The following TTC29 variants were observed in gnomAD, a reference collection of about 807,000 sequenced individuals.
TTC29 encodes the protein tetratricopeptide repeat domain 29, also known as tetratricopeptide repeat protein 29.
A neutral mutation model predicts 58.1 loss-of-function variants in TTC29; 49 were observed. That is an observed-to-expected ratio of 0.84 (90% confidence interval 0.67 to 1.07). The LOEUF is 1.07. Ranked by LOEUF, TTC29 falls within the 50% of genes least tolerant of loss-of-function variation. The pLI, the probability that TTC29 is intolerant of heterozygous loss-of-function variation, is 0.00. For missense variants in TTC29, 582 were observed against 555.6 expected (o/e 1.05, Z -0.48); for synonymous variants, 209 against 196.8 (o/e 1.06, Z -0.52).
intron 11 of TTC29, among the ~76,000 whole-genome samples, chr4:146,734,640 T>C (rs2150025692): frequency 6.6e-6 from 1 of 152,064 alleles, no homozygotes; most frequent in Non-Finnish European, 1.5e-5. Flanking sequence ...GGAGTTGAAT[T>C]GGGGGACATC....
At chr4:146,751,029 C>A (rs1745947842) in intron 11 of TTC29, among the ~76,000 whole-genome samples, 1 of 152,150 alleles carries the variant, frequency 6.6e-6, no homozygotes, top group Non-Finnish European at 1.5e-5. Context: ...TGACACCCCA[C>A]ATAAATGGTA....
rs946754620 is a variant in TTC29, at chr4:146,909,263, T to G, written c.177-14A>C. 1 of 1,568,658 alleles carries G rather than the reference T, an allele frequency of 6.4e-7. No individual in the cohort carries two copies. The highest frequency in any genetic ancestry group is 8.7e-7 in the Non-Finnish European group (1 of 1,145,266). On this transcript the variant is annotated splice_polypyrimidine_tract_variant and intron_variant, in intron 4 of 12. Transcript: ENST00000325106. ...GAGTTCCTATAACTGGAAATATGAA[T>G]CAGAACACTCTCAGGTTTATGTTAA...
chr4:146,805,094 G>A (rs1227068519), intron 10 of TTC29, among the ~76,000 whole-genome samples: 1 of 152,098 alleles, frequency 6.6e-6, no homozygotes, highest in Non-Finnish European at 1.5e-5. Context: ...AGGCAAACAG[G>A]GTCTGGAGTG....
At chr4:146,794,605 T>C (rs1008325528) in intron 11 of TTC29, among the ~76,000 whole-genome samples, 1 of 152,076 alleles carries the variant, frequency 6.6e-6, no homozygotes, top group Non-Finnish European at 1.5e-5. Context: ...CATTTCATTT[T>C]TCCCCACTGA....
intron 11 of TTC29, among the ~76,000 whole-genome samples, chr4:146,798,314 C>G (rs1303145388): frequency 6.6e-6 from 1 of 152,034 alleles, no homozygotes; most frequent in Non-Finnish European, 1.5e-5. Flanking sequence ...GGAAGTAAGA[C>G]ACAGGATTGG....
chr4:146,739,509 A>G (rs1484452156), intron 11 of TTC29, among the ~76,000 whole-genome samples: 2 of 152,196 alleles, frequency 1.3e-5, no homozygotes, highest in Non-Finnish European at 2.9e-5. Context: ...TGAACTTAAG[A>G]TTCAAAGTTG....
chr4:146,803,353 A>C (rs910268116), intron 11 of TTC29, 104 bp downstream of exon 11: 32 of 841,394 alleles, frequency 3.8e-5, no homozygotes, highest in Middle Eastern at 3.6e-4. Flanking sequence ...GAAATTACCA[A>C]TCAAATTAAA....
chr4:146,728,826 C>CAT (rs1554006105), intron 11 of TTC29, among the ~76,000 whole-genome samples: 1 of 91,738 alleles, frequency 1.1e-5, no homozygotes, highest in African/African-American at 3.7e-5. Flanking sequence ...TGTATATATA[C>CAT]ATATATATAC....
intron 6 of TTC29, among the ~76,000 whole-genome samples, chr4:146,900,155 C>A (rs1179912071): frequency 6.6e-6 from 1 of 152,176 alleles, no homozygotes; most frequent in Non-Finnish European, 1.5e-5. Flanking sequence ...TCACTAGGTA[C>A]ATCAAACACT....
At chr4:146,921,178 A>C (rs991743282) in intron 4 of TTC29, among the ~76,000 whole-genome samples, 5 of 151,454 alleles carry the variant, frequency 3.3e-5, no homozygotes, top group Admixed American at 2.0e-4. Flanking sequence ...AACTTCCAGA[A>C]CATAATAAAA....
In TTC29 at chr4:146,820,200, T is replaced by C. The variant is rs1751720955; in HGVS notation, c.1026A>G (p.Lys342=). 1 of 1,612,882 alleles carries C rather than the reference T, an allele frequency of 6.2e-7. No individual in the cohort carries two copies. The stretch of plus-strand genomic sequence containing the variant: ...GGCTTTGAAAATTGTTTCTTGCAAT[T>C]TTCACAAATTTTTTCAAGTATTTAA... ...EAIKYLKKFV[K]IARNNFQSLD... The change falls in exon 10 of 13, where the codon AAA becomes AAG. Residue 342 remains lysine (K), a synonymous_variant. Transcript: ENST00000325106.
chr4:146,937,619 C>G lies in TTC29; in HGVS notation c.151G>C (p.Gly51Arg). The change falls in exon 4 of 13, where the codon GGA becomes CGA. Residue 51 changes from glycine to arginine, a missense_variant. Physicochemically the swap from Gly to Arg is moderately radical, Grantham distance 125 (BLOSUM62 -2). Transcript: ENST00000325106. ...GCAGCAACTTCCTCTTTTGATAATC[C>G]TTTGAAATTTACCTCTAGATAATGA... Reference protein sequence around the residue: ...IDHYLEVNFKGLSKEEVAAYR... With the variant: ...IDHYLEVNFKRLSKEEVAAYR... 1 of 1,535,048 alleles carries G rather than the reference C, an allele frequency of 6.5e-7. No individual in the cohort carries two copies. Among genetic ancestry groups the G allele is most frequent in the Non-Finnish European group, 8.8e-7 (1 of 1,136,884 alleles).
intron 11 of TTC29, among the ~76,000 whole-genome samples, chr4:146,792,351 C>T (rs1395482514): frequency 6.6e-6 from 1 of 152,182 alleles, no homozygotes; most frequent in Non-Finnish European, 1.5e-5. Flanking sequence ...CACCTGTGCT[C>T]TATAAATGGA....
chr4:146,878,027 C>T (rs531704137), intron 6 of TTC29, among the ~76,000 whole-genome samples: 43 of 152,024 alleles, frequency 2.8e-4, no homozygotes, highest in Non-Finnish European at 5.3e-4. Flanking sequence ...GCTGTGTCTT[C>T]GTATTCCTTA....
intron 11 of TTC29, among the ~76,000 whole-genome samples, chr4:146,772,058 GTGTC>G (rs1747780073): frequency 6.6e-6 from 1 of 152,112 alleles, no homozygotes; most frequent in South Asian, 2.1e-4. Flanking sequence ...CTTTTGAAAA[GTGTC>G]TGTTCATGTC....
chr4:146,710,712 A>G (rs1742427899), intron 11 of TTC29, among the ~76,000 whole-genome samples: 1 of 152,158 alleles, frequency 6.6e-6, no homozygotes, highest in Non-Finnish European at 1.5e-5. Flanking sequence ...AAGCAACAGC[A>G]TGTTGAAGTG....
chr4:146,728,898 T>C (rs1297507698), intron 11 of TTC29, among the ~76,000 whole-genome samples: 1 of 145,030 alleles, frequency 6.9e-6, no homozygotes, highest in African/African-American at 2.5e-5. Context: ...TGTGTATGTA[T>C]ATATATATGT....
intron 6 of TTC29, among the ~76,000 whole-genome samples, chr4:146,903,090 T>C (rs935350514): frequency 1.3e-5 from 2 of 152,150 alleles, no homozygotes; most frequent in African/African-American, 4.8e-5. Flanking sequence ...GTCTTAACAT[T>C]ATTAAGTATG....
chr4:146,774,765 A>ATATCT (rs142740598), intron 11 of TTC29, among the ~76,000 whole-genome samples: 1 of 152,144 alleles, frequency 6.6e-6, no homozygotes, highest in East Asian at 1.9e-4. Context: ...CAGGCCCTGA[A>ATATCT]TATCTTTGTT....
Sources: allele counts gnomAD v4.1 joint callset (sites outside exome capture counted in the v4.1 genomes callset), GRCh38; gene constraint gnomAD v4.1.1; transcripts MANE v1.5; gene names NCBI Gene and HGNC (gene_info 2026-07-23, HGNC 2026-07-21).